The following CHODL variants were observed in gnomAD, a reference collection of about 807,000 sequenced individuals.
CHODL encodes the protein chondrolectin.
A neutral mutation model predicts 34.5 loss-of-function variants in CHODL; 29 were observed. The ratio of observed to expected loss-of-function variants is 0.84; its 90% CI spans 0.63 to 1.15. CHODL has a LOEUF of 1.15. Among genes scored for constraint, CHODL ranks in the 50% most tolerant of loss-of-function variants. CHODL has a pLI of 0.00. For missense variants in CHODL, 332 were observed against 332.5 expected (o/e 1.00, Z 0.01); for synonymous variants, 125 against 116.1 (o/e 1.08, Z -0.49).
Position 18,208,159 on chromosome 21 carries a change from ATTC to A in CHODL, c.-44-48338_-44-48336del, listed in dbSNP as rs139243429. ...TTGCAGGTGTGTTTCATTCTTTTTA[ATTC>A]TTCTTCTTCTTTTTTTTTTTTGGTC... On this transcript the variant is annotated intron_variant, in intron 2 of 6. Transcript: ENST00000400127. Among the ~76,000 whole-genome samples, 119 of 131,010 alleles carry A rather than the reference ATTC, an allele frequency of 9.1e-4. 1 individual carries two copies. In the East Asian group the frequency reaches 0.02, roughly 22 times the overall value. 85.9% of individuals were successfully genotyped at this position (131,010 alleles called of 152,430 possible).
At chr21:17,961,235 T>G (rs2063530035) in intron 1 of CHODL, among the ~76,000 whole-genome samples, 1 of 152,222 alleles carries the variant, frequency 6.6e-6, no homozygotes. Context: ...TTACCTCTTC[T>G]TTATGCCTGA....
chr21:17,946,406 C>T (rs1331812780), intron 1 of CHODL, among the ~76,000 whole-genome samples: 1 of 152,078 alleles, frequency 6.6e-6, no homozygotes, highest in Non-Finnish European at 1.5e-5. Context: ...GGCGACAAAG[C>T]GAGACAGAGA....
intron 2 of CHODL, among the ~76,000 whole-genome samples, chr21:18,237,893 G>A (rs2074043785): frequency 6.6e-6 from 1 of 152,108 alleles, no homozygotes; most frequent in Non-Finnish European, 1.5e-5. Context: ...TTACAACCTA[G>A]TAGAGATGGA....
chr21:18,123,296 A>G (rs1023928168), intron 2 of CHODL, among the ~76,000 whole-genome samples: 1 of 152,108 alleles, frequency 6.6e-6, no homozygotes, highest in Non-Finnish European at 1.5e-5. Flanking sequence ...GCTTAACCCC[A>G]AGTTCCACTT....
rs1448330157 is a variant in CHODL, at chr21:18,266,391, T to C, written c.*353T>C. The C allele has an allele frequency of 2.2e-6, 1 of 446,564 alleles. No homozygotes were observed. Among genetic ancestry groups the C allele is most frequent in the African/African-American group, 2.0e-5 (1 of 50,374 alleles). 27.7% of individuals were successfully genotyped at this position (446,564 alleles called of 1,614,324 possible). A position where few individuals can be genotyped will look rare whatever the true frequency, so the allele number is the denominator to read the frequency against. The stretch of plus-strand genomic sequence containing the variant: ...TCACCTTTCATAAGTTGTTATCTAG[T>C]CAATGTAATGTATATTGTATTGAAA... On this transcript the variant is annotated 3_prime_UTR_variant, in exon 6 of 6. Transcript: ENST00000299295.
rs192828330 is a variant in CHODL, at chr21:17,989,730, C to A, written c.-144-38142C>A. The stretch of plus-strand genomic sequence containing the variant: ...TGAGCCGACCATGTTTCAATTAATG[C>A]AAGGCTTGTGAGGTTATTTACAATC... On this transcript the variant is annotated intron_variant, in intron 1 of 6. Coordinates refer to the CHODL transcript ENST00000400127. 2.0e-5 allele frequency among the ~76,000 whole-genome samples: 3 copies of A among 152,220 alleles called. No individual in the cohort carries two copies. The East Asian group carries it at 5.8e-4, about 29-fold the overall frequency.
At chr21:17,934,133 T>C (rs536922156) in intron 1 of CHODL, among the ~76,000 whole-genome samples, 170 of 151,842 alleles carry the variant, frequency 1.1e-3, no homozygotes, top group African/African-American at 4.0e-3. Context: ...GGATACAATG[T>C]TCACTGATTA....
intron 1 of CHODL, among the ~76,000 whole-genome samples, chr21:17,953,216 A>G (rs988596153): frequency 2.6e-5 from 4 of 152,238 alleles, no homozygotes; most frequent in African/African-American, 9.6e-5. Context: ...CACTAAGTAT[A>G]TAATATTAAC....
intron 1 of CHODL, among the ~76,000 whole-genome samples, chr21:18,017,640 C>A (rs1255025999): frequency 6.6e-6 from 1 of 152,166 alleles, no homozygotes; most frequent in African/African-American, 2.4e-5. Context: ...CAGGCGGAAG[C>A]TTGTTGCAGA....
At chr21:18,163,003 G>A (rs907795487) in intron 2 of CHODL, among the ~76,000 whole-genome samples, 3 of 152,070 alleles carry the variant, frequency 2.0e-5, no homozygotes, top group Non-Finnish European at 2.9e-5. Flanking sequence ...ATATATCTAT[G>A]TGTCTATGTC....
At chr21:18,228,830 ATAAT>A (rs1395183435) in intron 2 of CHODL, among the ~76,000 whole-genome samples, 1 of 152,194 alleles carries the variant, frequency 6.6e-6, no homozygotes, top group Non-Finnish European at 1.5e-5. Flanking sequence ...TAGTGGAATA[ATAAT>A]TAAATAACGA....
intron 2 of CHODL, among the ~76,000 whole-genome samples, chr21:18,089,900 C>A (rs154748): frequency 0.34 from 51,601 of 151,900 alleles, 10,480 homozygotes; most frequent in East Asian, 0.81. Context: ...AGTTTTATAG[C>A]GGAAGAGGGT....
At position 17,957,512 on chromosome 21, in the gene CHODL, A is replaced by T. The variant is rs113628732; in HGVS notation, c.-145+40112A>T. ...ACACAGGGTAGGTTGTTGTAATGTT[A>T]TGAAGAAAATCCACTGTGATGGGAC... On this transcript the variant is annotated intron_variant, in intron 1 of 6. Transcript: ENST00000400127. Among the ~76,000 whole-genome samples the T allele has an allele frequency of 9.6e-3, 1,455 of 152,250 alleles. 22 individuals are homozygous for T. The highest frequency in any genetic ancestry group is 0.016 in the Admixed American group (248 of 15,278).
intron 2 of CHODL, among the ~76,000 whole-genome samples, chr21:18,091,645 G>A (rs565032872): frequency 1.3e-5 from 2 of 152,254 alleles, no homozygotes; most frequent in South Asian, 4.1e-4. Context: ...AACAAGCTGG[G>A]CATTTGGGTC....
chr21:18,024,147 G>A (rs2146429299), intron 1 of CHODL, among the ~76,000 whole-genome samples: 1 of 152,140 alleles, frequency 6.6e-6, no homozygotes, highest in East Asian at 1.9e-4. Context: ...ACAAAAAAAT[G>A]CTCCCCATTT....
At chr21:17,949,912 A>C (rs1186117104) in intron 1 of CHODL, among the ~76,000 whole-genome samples, 3 of 152,218 alleles carry the variant, frequency 2.0e-5, no homozygotes, top group Non-Finnish European at 4.4e-5. Flanking sequence ...GAACTTGTGG[A>C]TTGAGGAACA....
intron 2 of CHODL, among the ~76,000 whole-genome samples, chr21:18,070,032 C>CTT (rs1568870146): frequency 9.6e-6 from 1 of 104,668 alleles, no homozygotes; most frequent in African/African-American, 3.2e-5. Context: ...CCCTCCCCCC[C>CTT]CCCACCCATT....
At chr21:17,931,411 T>C (rs1379196837) in intron 1 of CHODL, among the ~76,000 whole-genome samples, 1 of 152,118 alleles carries the variant, frequency 6.6e-6, no homozygotes, top group Non-Finnish European at 1.5e-5. Flanking sequence ...TAATCCCATC[T>C]AAATGAAAGT....
At chr21:18,195,082 T>G (rs141604792) in intron 2 of CHODL, among the ~76,000 whole-genome samples, 1 of 151,414 alleles carries the variant, frequency 6.6e-6, no homozygotes, top group Non-Finnish European at 1.5e-5. Context: ...TGACATGGAG[T>G]CTCTCTCTGT....
Sources: gnomAD v4.1 joint callset for allele counts (sites outside exome capture counted in the v4.1 genomes callset) on GRCh38, gnomAD v4.1.1 for gene constraint, MANE v1.5 for transcripts, NCBI Gene and HGNC (gene_info 2026-07-23, HGNC 2026-07-21) for gene names.